Variants in SUN1 observed in about 807,000 individuals in gnomAD.
The protein encoded by SUN1 is SUN domain-containing protein 1.
SUN1 carries 61 observed loss-of-function variants against 103.2 expected under a neutral mutation model. The observed-to-expected ratio is 0.59, with a 90% CI of 0.48 to 0.73. The LOEUF (loss-of-function observed/expected upper bound fraction) is 0.73, where lower values mean the gene tolerates loss of function less well. Ranked by LOEUF, SUN1 falls within the 30% of genes least tolerant of loss-of-function variation. The pLI is 0.00. For synonymous variants in SUN1, 490 were observed against 425.7 expected (o/e 1.15, Z -1.86); for missense variants, 1,052 against 1,034.6 (o/e 1.02, Z -0.23).
chr7:872,577 T>G lies in SUN1; in HGVS notation c.2241+15T>G. 1 of 1,560,210 alleles carries G rather than the reference T, an allele frequency of 6.4e-7. No individual in the cohort carries two copies. The highest frequency in any genetic ancestry group is 8.7e-7 in the Non-Finnish European group (1 of 1,149,850). ...TCCAGGCCCTGGTAAGAACTGGGAC[T>G]GGCACTGCCTGGGGTCTCTGAGTCC... On this transcript the variant is annotated intron_variant, in intron 18 of 18. Transcript: ENST00000401592.
At chr7:816,357 T>C, upstream of SUN1, 1 of 145,954 alleles carries the variant, frequency 6.9e-6, no homozygotes, top group Non-Finnish European at 1.3e-5. Context: ...CCGAATGCAG[T>C]CCCCCTCCTC....
At chr7:837,341 C>T (rs1044780060) in intron 1 of SUN1, among the ~76,000 whole-genome samples, 1 of 152,178 alleles carries the variant, frequency 6.6e-6, no homozygotes, top group Non-Finnish European at 1.5e-5. Flanking sequence ...GCTTTTGGTC[C>T]GGCTCCCCTG....
At chr7:850,770 A>AAAAC (rs1246206613) in intron 5 of SUN1, 1 of 146,518 alleles carries the variant, frequency 6.8e-6, no homozygotes, top group East Asian at 1.9e-4. Context: ...CTTAAATTAA[A>AAAAC]AAAAAAAAAA....
Position 857,910 on chromosome 7 carries a change from C to A in SUN1, c.1477C>A (p.Arg493=). Residue 493 remains arginine, a synonymous_variant, in exon 13 of 19, where the codon CGA becomes AGA. Transcript: ENST00000401592. Reference sequence around the variant, plus strand: ...GCTAAAGTCAGAGCTGTCCAGCTGGCGACACGTGAAGACCGGCTGTGAGAC... The same window carrying A: ...GCTAAAGTCAGAGCTGTCCAGCTGGAGACACGTGAAGACCGGCTGTGAGAC... ...DQLKSELSSW[R]HVKTGCETVD... 4 of 1,601,568 alleles carry A rather than the reference C, an allele frequency of 2.5e-6. No homozygotes were observed. The highest frequency in any genetic ancestry group is 1.1e-5 in the South Asian group (1 of 90,508).
chr7:842,047 G>C lies in SUN1; in HGVS notation c.368G>C (p.Ser123Thr), dbSNP rs1320668240. The C allele has an allele frequency of 1.2e-6, 2 of 1,614,122 alleles. No homozygotes were observed. The highest frequency in any genetic ancestry group is 1.7e-6 in the Non-Finnish European group (2 of 1,180,062). ...SSGVSHGGTVSLQDAVTRRPP... is the reference protein window; with the variant it reads ...SSGVSHGGTVTLQDAVTRRPP... Reference sequence around the variant, plus strand: ...GGCGTCAGCCACGGCGGCACTGTCAGCCTGCAGGATGCTGTGACTCGACGG... The same window carrying C: ...GGCGTCAGCCACGGCGGCACTGTCACCCTGCAGGATGCTGTGACTCGACGG... The change falls in exon 3 of 19, where the codon AGC becomes ACC. Residue 123 changes from serine (S) to threonine (T), a missense_variant. Physicochemically the swap from Ser to Thr is moderately conservative, Grantham distance 58. This residue lies in a region of SUN1 where 846 missense variants were observed against 774.5 expected (regional missense o/e 1.09). Transcript: ENST00000401592.
chr7:834,223 C>T (rs369168680), intron 1 of SUN1, among the ~76,000 whole-genome samples: 2 of 142,402 alleles, frequency 1.4e-5, no homozygotes, highest in African/African-American at 5.3e-5. Flanking sequence ...AGGGGCTGGC[C>T]GGATGGTGTA....
intron 2 of SUN1, among the ~76,000 whole-genome samples, chr7:841,244 AT>A (rs370665607): frequency 1.3e-3 from 155 of 120,080 alleles, no homozygotes; most frequent in African/African-American, 2.7e-3. Flanking sequence ...ATGACCACCT[AT>A]TTTTTTTTTT....
intron 17 of SUN1, among the ~76,000 whole-genome samples, chr7:870,223 ATT>A (rs1840510862): frequency 6.6e-6 from 1 of 150,828 alleles, no homozygotes; most frequent in African/African-American, 2.4e-5. Flanking sequence ...AAAAAAAAAA[ATT>A]ACAGTTGAGA....
In SUN1 at chr7:860,380, G is replaced by GCGGTGAGT. The variant is rs747776791; in HGVS notation, c.1779+2_1779+9dup. The GCGGTGAGT allele has an allele frequency of 5.0e-6, 8 of 1,611,282 alleles. No individual in the cohort carries two copies. Among genetic ancestry groups the GCGGTGAGT allele is most frequent in the Non-Finnish European group, 6.8e-6 (8 of 1,177,890 alleles). Reference sequence around the variant, plus strand: ...GGCGGGGGCGTCTGGAATAACAGAGGCGGTGAGTCGGCGAGTCGGCGGCAA... The same window carrying GCGGTGAGT: ...GGCGGGGGCGTCTGGAATAACAGAGGCGGTGAGTCGGTGAGTCGGCGAGTCGGCGGCAA... On this transcript the variant is annotated frameshift_variant and splice_region_variant, in exon 14 of 19. Coordinates refer to ENST00000401592, the MANE Select transcript of SUN1 (RefSeq NM_001130965.3). LOFTEE classifies it high-confidence loss of function.
rs1831221644 is a variant in SUN1, at chr7:860,376, A to G, written c.1773A>G (p.Thr591=). 1.2e-6 allele frequency: 2 copies of G among 1,611,706 alleles called. No homozygotes were observed. The highest frequency in any genetic ancestry group is 1.7e-6 in the Non-Finnish European group (2 of 1,178,176). The change falls in exon 14 of 19, where the codon ACA becomes ACG. Residue 591 remains threonine, a synonymous_variant. Coordinates refer to ENST00000401592, the MANE Select transcript of SUN1 (RefSeq NM_001130965.3). ...GCGAGGCGGGGGCGTCTGGAATAAC[A>G]GAGGCGGTGAGTCGGCGAGTCGGCG... ...AVSEAGASGI[T]EAQARAIVNS...
intron 1 of SUN1, among the ~76,000 whole-genome samples, chr7:835,089 A>G (rs1339631753): frequency 1.3e-5 from 2 of 152,260 alleles, no homozygotes; most frequent in African/African-American, 4.8e-5. Context: ...AAGTAAACAA[A>G]ATAAAATTTT....
At chr7:846,582 A>G (rs1816017402) in intron 5 of SUN1, among the ~76,000 whole-genome samples, 1 of 152,006 alleles carries the variant, frequency 6.6e-6, no homozygotes, top group South Asian at 2.1e-4. Context: ...AAATAAATAA[A>G]TTAAAAAATA....
At chr7:829,933 C>T (rs1276311136), upstream of SUN1, among the ~76,000 whole-genome samples, 3 of 152,346 alleles carry the variant, frequency 2.0e-5, no homozygotes, top group East Asian at 5.8e-4. Context: ...CGCCTGAGTG[C>T]TTGTCACCTG....
chr7:837,044 C>T (rs190846436), intron 1 of SUN1, among the ~76,000 whole-genome samples: 37 of 152,366 alleles, frequency 2.4e-4, no homozygotes, highest in East Asian at 5.8e-4. Context: ...CGAATCATGA[C>T]GCACTCACAC....
chr7:817,691 T>C (rs1329379905), intron 1 of SUN1, among the ~76,000 whole-genome samples: 1 of 152,246 alleles, frequency 6.6e-6, no homozygotes, highest in Non-Finnish European at 1.5e-5. Flanking sequence ...CTGTTTTTAC[T>C]CCCTACATCT....
upstream of SUN1, chr7:815,921 C>G (rs113311809): frequency 5.1e-3 from 1,119 of 220,568 alleles, 15 homozygotes; most frequent in African/African-American, 0.025. Context: ...CAAGGAGGCA[C>G]TGGCCGAGGT....
chr7:850,345 C>T, intron 5 of SUN1: 1 of 310,916 alleles, frequency 3.2e-6, no homozygotes, highest in Non-Finnish European at 6.1e-6. Flanking sequence ...ACTACAGGCG[C>T]ACACCACCAC....
At chr7:870,720 C>A (rs1172575556) in intron 17 of SUN1, among the ~76,000 whole-genome samples, 1 of 152,194 alleles carries the variant, frequency 6.6e-6, no homozygotes, top group Non-Finnish European at 1.5e-5. Context: ...CTGAGTATTT[C>A]TTTCCCTTTT....
chr7:859,958 G>C (rs1830928633), intron 13 of SUN1, among the ~76,000 whole-genome samples, 170 bp from the exon 14 acceptor site: 1 of 152,144 alleles, frequency 6.6e-6, no homozygotes, highest in East Asian at 1.9e-4. Flanking sequence ...ACATGGTCCT[G>C]CATTATTGGA....
Sources: allele counts gnomAD v4.1 joint callset (sites outside exome capture counted in the v4.1 genomes callset), GRCh38; gene constraint gnomAD v4.1.1; regional missense constraint gnomAD v4.1.1; transcripts MANE v1.5; gene names NCBI Gene and HGNC (gene_info 2026-07-23, HGNC 2026-07-21).